Variants in LSS observed in about 807,000 individuals in gnomAD.
The protein encoded by LSS is 2,3-epoxysqualene-lanosterol cyclase.
In LSS, 90 loss-of-function variants were observed where a neutral mutation model predicts 110.3. The observed-to-expected ratio is 0.82, with a 90% CI of 0.69 to 0.97. LSS has a LOEUF of 0.97. LSS is among the 50% of genes least tolerant of loss of function. The pLI is 0.00. For missense variants in LSS, 927 were observed against 990.0 expected (o/e 0.94, Z 0.85); for synonymous variants, 433 against 400.0 (o/e 1.08, Z -0.98).
At position 46,195,731 on chromosome 21, in the gene LSS, C is replaced by G. The variant is rs561449819; in HGVS notation, c.1762G>C (p.Gly588Arg). The change falls in exon 19 of 22, where the codon GGC becomes CGC. Residue 588 changes from glycine (G) to arginine (R), a missense_variant. By Grantham distance (125) the Gly-to-Arg change is moderately radical. Coordinates refer to ENST00000397728, the MANE Select transcript of LSS (RefSeq NM_002340.6). ...AAGGCCTCCAGGCCAAACCAGGTGC[C>G]GTAGGTGAAGCAAACTCCCCAGGAG... ...EGSWGVCFTY[G>R]TWFGLEAFAC... is the part of the protein sequence containing the mutation. 1 of 1,613,802 alleles carries G rather than the reference C, an allele frequency of 6.2e-7. No individual in the cohort carries two copies. The highest frequency in any genetic ancestry group is 8.5e-7 in the Non-Finnish European group (1 of 1,180,008).
rs1225527751 is a variant in LSS at position 46,201,890 on chromosome 21, C to T, written c.1670+3946G>A. On this transcript the variant is annotated intron_variant, in intron 17 of 21. Transcript: ENST00000397728. ...TCGGCTCACTGCAAGCTCCACCTCC[C>T]GGGTTCACGCCATTCTCCTGCCTCA... is the stretch of plus-strand genomic sequence containing the variant. 5.3e-5 allele frequency among the ~76,000 whole-genome samples: 8 copies of T among 150,520 alleles called. No homozygotes were observed. The South Asian group carries it at 6.4e-4, about 12-fold the overall frequency.
chr21:46,197,626 C>T (rs1237651122), intron 17 of LSS, among the ~76,000 whole-genome samples: 5 of 152,206 alleles, frequency 3.3e-5, no homozygotes, highest in East Asian at 1.9e-4. Context: ...CAGTGGCTCA[C>T]GCCTTGTAAT....
intron 20 of LSS, chr21:46,193,090 T>C (rs2187122): frequency 0.65 from 256,325 of 392,538 alleles, 83,497 homozygotes; most frequent in African/African-American, 0.83. Context: ...TGGGATACTG[T>C]GGGTGCATCT....
chr21:46,206,732 TGGCGAACC>T lies in LSS; in HGVS notation c.1496_1503del (p.Gly499AspfsTer3). The T allele has an allele frequency of 6.2e-7, 1 of 1,612,744 alleles. No homozygotes were observed. Among genetic ancestry groups the T allele is most frequent in the Non-Finnish European group, 8.5e-7 (1 of 1,179,956 alleles). On this transcript the variant is annotated frameshift_variant, in exon 16 of 22. Coordinates refer to ENST00000397728, the MANE Select transcript of LSS (RefSeq NM_002340.6). LOFTEE classifies it high-confidence loss of function. The stretch of plus-strand genomic sequence containing the variant: ...TGCCCCCCACGCTTGGTCTCATAGG[TGGCGAACC>T]CTCCATCTGGATTTCTCATGTTCAG...
Position 46,188,954 on chromosome 21 carries a change from ATC to A in LSS, c.*2148_*2149del, listed in dbSNP as rs1246899913. The A allele has an allele frequency of 2.5e-5, 9 of 365,220 alleles. No individual in the cohort carries two copies. Among genetic ancestry groups the A allele is most frequent in the African/African-American group, 1.1e-4 (5 of 46,742 alleles). The allele number at this position is 365,220 out of a possible 1,614,324, so 22.6% of individuals were successfully genotyped here. ...AGGCTATGCTATTATCTCTTAAAAT[ATC>A]TGTTTTCCCTCAGGTAACTGGAGAC... is the stretch of plus-strand genomic sequence containing the variant. On this transcript the variant is annotated 3_prime_UTR_variant, in exon 22 of 22. Coordinates refer to ENST00000397728, the MANE Select transcript of LSS (RefSeq NM_002340.6).
At chr21:46,196,458 T>C in intron 17 of LSS, 191 bp from the exon 18 acceptor site, 1 of 586,380 alleles carries the variant, frequency 1.7e-6, no homozygotes. Flanking sequence ...GGGAAGCGGA[T>C]TGGCAGAGTC....
At chr21:46,191,558 G>A (rs565469108) in intron 21 of LSS, among the ~76,000 whole-genome samples, 11 of 152,304 alleles carry the variant, frequency 7.2e-5, no homozygotes, top group Admixed American at 2.0e-4. Context: ...ACACCACAGG[G>A]ACTTCTGGCT....
At chr21:46,199,107 C>T (rs2123705772) in intron 17 of LSS, among the ~76,000 whole-genome samples, 1 of 152,222 alleles carries the variant, frequency 6.6e-6, no homozygotes, top group Non-Finnish European at 1.5e-5. Flanking sequence ...AGACAAGACA[C>T]AGGCAGAAAA....
At chr21:46,227,722 T>G in intron 2 of LSS, 32 bp from the exon 3 acceptor site, 1 of 1,606,000 alleles carries the variant, frequency 6.2e-7, no homozygotes, top group Non-Finnish European at 8.5e-7. Context: ...AAAAAAGAGA[T>G]AGCTGACGGG....
rs113532472 is a variant in LSS at position 46,208,429 on chromosome 21, C to T, written c.1267-128G>A. ...GAACGTGCCTGGGAGCTTACTCTGC[C>T]GGCCACAGCCACCACTGGTGCTGCG... On this transcript the variant is annotated intron_variant, in intron 13 of 21. Coordinates refer to ENST00000397728, the MANE Select transcript of LSS (RefSeq NM_002340.6). 3,021 of 831,626 alleles carry T rather than the reference C, an allele frequency of 3.6e-3. 81 individuals are homozygous for T. The African/African-American group carries it at 0.045, about 12-fold the overall frequency. The allele number at this position is 831,626 out of a possible 1,614,324, so 51.5% of individuals were successfully genotyped here. A position where few individuals can be genotyped will look rare whatever the true frequency, so the allele number is the denominator to read the frequency against.
At chr21:46,197,005 G>A (rs1238918326) in intron 17 of LSS, among the ~76,000 whole-genome samples, 1 of 152,244 alleles carries the variant, frequency 6.6e-6, no homozygotes, top group Non-Finnish European at 1.5e-5. Flanking sequence ...CCCCGGTCCT[G>A]GCTAACACCC....
intron 18 of LSS, 25 bp from the exon 19 acceptor site, chr21:46,195,781 A>T (rs2079901921): frequency 9.4e-6 from 15 of 1,591,554 alleles, no homozygotes; most frequent in Non-Finnish European, 1.0e-5. Context: ...GGAGAGCCTC[A>T]GCCCTTCCAC....
intron 11 of LSS, among the ~76,000 whole-genome samples, chr21:46,212,525 C>T (rs2080147135): frequency 6.6e-6 from 1 of 152,248 alleles, no homozygotes; most frequent in South Asian, 2.1e-4. Flanking sequence ...CCGGCCTCCC[C>T]TCTCCTTGTG....
In LSS at chr21:46,195,735, G is replaced by A. The variant is rs754646104; in HGVS notation, c.1758C>T (p.Thr586=). Reference sequence around the variant, plus strand: ...CCTCCAGGCCAAACCAGGTGCCGTAGGTGAAGCAAACTCCCCAGGAGCTGG... The same window carrying A: ...CCTCCAGGCCAAACCAGGTGCCGTAAGTGAAGCAAACTCCCCAGGAGCTGG... ...SWEGSWGVCF[T]YGTWFGLEAF... is the part of the protein sequence containing the mutation. Residue 586 remains threonine, a synonymous_variant, in exon 19 of 22, where the codon ACC becomes ACT. Coordinates refer to ENST00000397728, the MANE Select transcript of LSS (RefSeq NM_002340.6). 67 of 1,613,758 alleles carry A rather than the reference G, an allele frequency of 4.2e-5. No individual in the cohort carries two copies. The highest frequency in any genetic ancestry group is 5.3e-5 in the Non-Finnish European group (63 of 1,180,036).
At position 46,208,312 on chromosome 21, in the gene LSS, T is replaced by C. The variant is rs759681575; in HGVS notation, c.1267-11A>G. 1 of 1,552,254 alleles carries C rather than the reference T, an allele frequency of 6.4e-7. No individual in the cohort carries two copies. Among genetic ancestry groups the C allele is most frequent in the South Asian group, 1.2e-5 (1 of 84,082 alleles). ...AGGGTTATCTGGGACCTGGGCAGCA[T>C]CGAGGGCAAATGTGGAAGCAGAGAA... On this transcript the variant is annotated splice_polypyrimidine_tract_variant and intron_variant, in intron 13 of 21. Transcript: ENST00000397728.
intron 17 of LSS, among the ~76,000 whole-genome samples, chr21:46,199,503 G>A (rs534598775): frequency 6.6e-6 from 1 of 152,322 alleles, no homozygotes; most frequent in African/African-American, 2.4e-5. Context: ...CCGCAATCAT[G>A]CTTCTTGGCA....
At chr21:46,201,482 C>T (rs1601420974) in intron 17 of LSS, among the ~76,000 whole-genome samples, 1 of 40,580 alleles carries the variant, frequency 2.5e-5, no homozygotes, top group Non-Finnish European at 4.6e-5. Context: ...GCCTGGATCA[C>T]GTGGGAGGAC....
chr21:46,221,740 T>C lies in LSS; in HGVS notation c.550+114A>G, dbSNP rs1402762326. Reference sequence around the variant, plus strand: ...TCTGCTTTGACAAATTCCCTGCTCATGTGCTTTTGCCCACTGTTTCAGCTG... The same window carrying C: ...TCTGCTTTGACAAATTCCCTGCTCACGTGCTTTTGCCCACTGTTTCAGCTG... On this transcript the variant is annotated intron_variant, in intron 5 of 21. Coordinates refer to ENST00000397728, the MANE Select transcript of LSS (RefSeq NM_002340.6). The C allele has an allele frequency of 8.2e-6, 12 of 1,467,066 alleles. No homozygotes were observed. The East Asian group carries it at 1.1e-4, about 14-fold the overall frequency. The allele number at this position is 1,467,066 out of a possible 1,614,324, so 90.9% of individuals were successfully genotyped here. A position where few individuals can be genotyped will look rare whatever the true frequency, so the allele number is the denominator to read the frequency against.
intron 17 of LSS, among the ~76,000 whole-genome samples, chr21:46,200,410 T>C (rs567597657): frequency 3.3e-5 from 5 of 152,284 alleles, no homozygotes; most frequent in South Asian, 2.1e-4. Flanking sequence ...AGCAACTTCA[T>C]AGCGGAGAAA....
Sources: gnomAD v4.1 joint callset for allele counts (sites outside exome capture counted in the v4.1 genomes callset) on GRCh38, gnomAD v4.1.1 for gene constraint, MANE v1.5 for transcripts, NCBI Gene and HGNC (gene_info 2026-07-23, HGNC 2026-07-21) for gene names.